ZNF138: variants seen among roughly 807,000 people sequenced by gnomAD.
ZNF138 encodes zinc finger protein 138 (clone pHZ-32).
In ZNF138, 33 loss-of-function variants were observed where a neutral mutation model predicts 33.0. The ratio of observed to expected loss-of-function variants is 1.00; its 90% CI spans 0.76 to 1.34. The LOEUF is 1.34. Ranked by LOEUF, ZNF138 falls within the 40% of genes most tolerant of loss-of-function variation. ZNF138 has a pLI of 0.00. For synonymous variants in ZNF138, 139 were observed against 120.4 expected (o/e 1.15, Z -1.01); for missense variants, 360 against 370.8 (o/e 0.97, Z 0.24).
intron 1 of ZNF138, among the ~76,000 whole-genome samples, chr7:64,805,292 A>T (rs930409083): frequency 3.3e-5 from 5 of 152,026 alleles, no homozygotes; most frequent in Non-Finnish European, 7.4e-5. Flanking sequence ...TCAGCTACTC[A>T]GGAGGCTGAG....
At chr7:64,845,707 G>C in the ZNF138 span, among the ~76,000 whole-genome samples, 6 of 152,106 alleles carry the variant, frequency 3.9e-5, no homozygotes, top group Non-Finnish European at 7.4e-5. Flanking sequence ...TATGTTTGCT[G>C]GCCATTTTTA....
chr7:64,814,233 T>C (rs1234159861), intron 1 of ZNF138: 6 of 705,768 alleles, frequency 8.5e-6, no homozygotes, highest in East Asian at 1.0e-4. Flanking sequence ...TCGAGTTTAT[T>C]GTACACATTA....
intron 1 of ZNF138, among the ~76,000 whole-genome samples, chr7:64,800,333 G>A (rs1250391643): frequency 6.6e-6 from 1 of 152,082 alleles, no homozygotes; most frequent in Non-Finnish European, 1.5e-5. Context: ...GGTTTGTCTT[G>A]GATAACTTGT....
chr7:64,825,759 G>A (rs1472266614), intron 3 of ZNF138, among the ~76,000 whole-genome samples: 4 of 151,646 alleles, frequency 2.6e-5, no homozygotes, highest in South Asian at 4.2e-4. Flanking sequence ...AGATGGTCTC[G>A]ATCTCCTGAC....
At chr7:64,848,366 TGTTGG>T in the ZNF138 span, among the ~76,000 whole-genome samples, 354 of 152,120 alleles carry the variant, frequency 2.3e-3, 3 homozygotes, top group African/African-American at 8.0e-3. Flanking sequence ...TCTTTGTTGT[TGTTGG>T]GTTGGGTTAA....
intron 3 of ZNF138, among the ~76,000 whole-genome samples, chr7:64,827,642 AT>A (rs61474587): frequency 0.019 from 2,838 of 151,740 alleles, 87 homozygotes; most frequent in African/African-American, 0.065. Flanking sequence ...TATTAGTTAG[AT>A]TTTTTTTATT....
At chr7:64,847,332 A>ATAT in the ZNF138 span, among the ~76,000 whole-genome samples, 2,353 of 128,102 alleles carry the variant, frequency 0.018, 46 homozygotes, top group Middle Eastern at 0.059. Flanking sequence ...ATATATATAT[A>ATAT]TTTTTTTTTT....
intron 1 of ZNF138, among the ~76,000 whole-genome samples, chr7:64,810,339 C>G (rs1249663744): frequency 2.2e-5 from 3 of 137,552 alleles, no homozygotes; most frequent in Non-Finnish European, 3.1e-5. Context: ...CGCAGGCACT[C>G]GGCAGGCTGA....
rs1266598933 is a variant in ZNF138 at position 64,827,098 on chromosome 7, G to GTGTCCATCATTTTTCAGCATAAATGCTAA, written c.209-4353_209-4352insTGTCCATCATTTTTCAGCATAAATGCTAA. On this transcript the variant is annotated intron_variant, in intron 3 of 3. Coordinates refer to ENST00000307355, the MANE Select transcript of ZNF138 (RefSeq NM_001271639.2). ...GTGTCCATCATTTTTCAGCATAAGG[G>GTGTCCATCATTTTTCAGCATAAATGCTAA]ACTCATTTTAGCATTTTTTTTTTTT... 4.8e-5 allele frequency among the ~76,000 whole-genome samples: 6 copies of GTGTCCATCATTTTTCAGCATAAATGCTAA among 124,554 alleles called. No individual in the cohort carries two copies. The East Asian group carries it at 1.6e-3, about 32-fold the overall frequency. 81.7% of individuals were successfully genotyped at this position (124,554 alleles called of 152,430 possible).
chr7:64,797,721 T>G (rs997320620), intron 1 of ZNF138, among the ~76,000 whole-genome samples: 9 of 152,172 alleles, frequency 5.9e-5, no homozygotes, highest in Non-Finnish European at 1.3e-4. Flanking sequence ...TGTTATTGTT[T>G]TGAGGCAGTT....
At chr7:64,808,080 A>G (rs1175900212) in intron 1 of ZNF138, among the ~76,000 whole-genome samples, 2 of 152,184 alleles carry the variant, frequency 1.3e-5, no homozygotes, top group Non-Finnish European at 2.9e-5. Flanking sequence ...CAATCAGCCT[A>G]GGGTCACTGG....
intron 1 of ZNF138, among the ~76,000 whole-genome samples, chr7:64,813,465 G>A (rs575054635): frequency 1.6e-4 from 23 of 144,962 alleles, no homozygotes; most frequent in African/African-American, 4.1e-4. Flanking sequence ...ATGGAGTCTC[G>A]CGCTGTCGCC....
At chr7:64,796,629 T>C (rs895638588) in intron 1 of ZNF138, among the ~76,000 whole-genome samples, 1 of 152,254 alleles carries the variant, frequency 6.6e-6, no homozygotes, top group African/African-American at 2.4e-5. Context: ...TTTAGGAATT[T>C]TCTCAGGTCT....
intron 3 of ZNF138, among the ~76,000 whole-genome samples, chr7:64,819,994 G>T (rs1340808770): frequency 3.0e-5 from 2 of 66,774 alleles, no homozygotes; most frequent in East Asian, 1.2e-3. Context: ...AATTACTTGA[G>T]CCTAGGAGTT....
intron 1 of ZNF138, among the ~76,000 whole-genome samples, chr7:64,811,384 C>A (rs1376260833): frequency 6.6e-6 from 1 of 152,092 alleles, no homozygotes. Context: ...TTGCTGTTGT[C>A]GTCTAGGCTG....
intron 3 of ZNF138, among the ~76,000 whole-genome samples, chr7:64,819,777 G>A (rs907309975): frequency 1.4e-5 from 2 of 147,302 alleles, no homozygotes; most frequent in Non-Finnish European, 2.9e-5. Flanking sequence ...CTATTCAAGT[G>A]TGCATTTCAG....
Position 64,832,490 on chromosome 7 carries a change from G to GA in ZNF138, c.*291dup, listed in dbSNP as rs1215089389. 1 of 1,108,618 alleles carries GA rather than the reference G, an allele frequency of 9.0e-7. No individual in the cohort carries two copies. 68.7% of individuals were successfully genotyped at this position (1,108,618 alleles called of 1,614,324 possible). On this transcript the variant is annotated 3_prime_UTR_variant, in exon 4 of 4. Coordinates refer to ENST00000307355, the MANE Select transcript of ZNF138 (RefSeq NM_001271639.2). ...CACATAAGAAAATTCATACTGGGGAGAAACCCCACAAATGTGGAGAATGCG... is the reference window on the plus strand; with the variant it reads ...CACATAAGAAAATTCATACTGGGGAGAAAACCCCACAAATGTGGAGAATGCG...
At chr7:64,794,676 A>C (rs946735430) in intron 1 of ZNF138, 105 bp downstream of exon 1, 3 of 1,548,942 alleles carry the variant, frequency 1.9e-6, no homozygotes, top group African/African-American at 2.7e-5. Flanking sequence ...TCGGCTGCAA[A>C]ATCCGCGGCC....
chr7:64,845,350 C>G, the ZNF138 span, among the ~76,000 whole-genome samples: 4,759 of 152,282 alleles, frequency 0.031, 253 homozygotes, highest in African/African-American at 0.11. Context: ...AGGTTTGTTT[C>G]ACATTTTTGC....
Sources: gnomAD v4.1 joint callset for allele counts (sites outside exome capture counted in the v4.1 genomes callset) on GRCh38, gnomAD v4.1.1 for gene constraint, MANE v1.5 for transcripts, NCBI Gene and HGNC (gene_info 2026-07-23, HGNC 2026-07-21) for gene names.